TNRC6A: variants seen among roughly 807,000 people sequenced by gnomAD.
TNRC6A encodes trinucleotide repeat-containing gene 6A protein.
In TNRC6A, 44 loss-of-function variants were observed where a neutral mutation model predicts 221.2. That is an observed-to-expected ratio of 0.20 (90% confidence interval 0.16 to 0.26). The LOEUF is 0.26. TNRC6A is among the 10% of genes least tolerant of loss of function. TNRC6A has a pLI of 1.00. For missense variants in TNRC6A, 2,199 were observed against 2,404.4 expected (o/e 0.91, Z 1.79); for synonymous variants, 847 against 838.5 (o/e 1.01, Z -0.18).
chr16:24,724,412 T>A lies in TNRC6A; in HGVS notation n.403-26314T>A, dbSNP rs535396796. Among the ~76,000 whole-genome samples, 117 of 152,320 alleles carry A rather than the reference T, an allele frequency of 7.7e-4. No individual in the cohort carries two copies. In the Middle Eastern group the frequency reaches 0.014, roughly 18 times the overall value. On this transcript the variant is annotated intron_variant and non_coding_transcript_variant, in intron 2 of 2. Coordinates refer to the TNRC6A transcript ENST00000566108. ...TGAAGCACTTAGAACAGAGCCTGACTGGCACATATTAACTTTCAAATACAT... is the reference window on the plus strand; with the variant it reads ...TGAAGCACTTAGAACAGAGCCTGACAGGCACATATTAACTTTCAAATACAT...
intron 4 of TNRC6A, among the ~76,000 whole-genome samples, chr16:24,764,877 A>G (rs1283566226): frequency 1.3e-5 from 2 of 152,244 alleles, no homozygotes; most frequent in Non-Finnish European, 2.9e-5. Flanking sequence ...CATACCTATG[A>G]TAAAGTTCAA....
At chr16:24,657,669 A>C (rs1448037581) in intron 2 of TNRC6A, among the ~76,000 whole-genome samples, 3 of 150,618 alleles carry the variant, frequency 2.0e-5, no homozygotes, top group Non-Finnish European at 4.4e-5. Context: ...AGATCGTGCC[A>C]CTGCACTCCA....
At chr16:24,710,681 A>G (rs1449264129) in intron 2 of TNRC6A, among the ~76,000 whole-genome samples, 6 of 151,630 alleles carry the variant, frequency 4.0e-5, no homozygotes, top group Non-Finnish European at 8.8e-5. Flanking sequence ...ATTTTGTTGG[A>G]GGTGTTTTGC....
intron 2 of TNRC6A, among the ~76,000 whole-genome samples, chr16:24,645,164 T>C (rs1461826359): frequency 1.3e-5 from 2 of 152,242 alleles, no homozygotes; most frequent in Non-Finnish European, 2.9e-5. Context: ...TTCATCTTTA[T>C]TGGAATAGTG....
chr16:24,796,047 G>A, intron 9 of TNRC6A, 108 bp downstream of exon 9: 1 of 1,249,024 alleles, frequency 8.0e-7, no homozygotes, highest in East Asian at 2.4e-5. Flanking sequence ...ACTGTGCTTG[G>A]TGCTGGGGAT....
In TNRC6A at chr16:24,790,229, C is replaced by T. The variant is rs1293916344; in HGVS notation, c.1587C>T (p.Tyr529=). The T allele has an allele frequency of 3.7e-6, 6 of 1,614,208 alleles. No individual in the cohort carries two copies. Among genetic ancestry groups the T allele is most frequent in the South Asian group, 3.3e-5 (3 of 91,088 alleles). The change falls in exon 6 of 25, where the codon TAC becomes TAT. Residue 529 remains tyrosine (Y), a synonymous_variant. Coordinates refer to ENST00000395799, the MANE Select transcript of TNRC6A (RefSeq NM_014494.4). The part of the protein sequence containing the change: ...GTTWGAYGSN[Y]SGDKCSGPNG... ...CATGGGGTGCCTATGGTTCTAATTA[C>T]TCTGGAGACAAATGTTCAGGCCCTA...
At position 24,790,006 on chromosome 16, in the gene TNRC6A, A is replaced by T; in HGVS notation, c.1364A>T (p.Asn455Ile). ...NITTEMTGPN[N>I]TTNFMTSSLP... ...ACCACTGAAATGACTGGACCAAATAACACTACTAACTTTATGACCTCTAGT... is the reference window on the plus strand; with the variant it reads ...ACCACTGAAATGACTGGACCAAATATCACTACTAACTTTATGACCTCTAGT... The change falls in exon 6 of 25, where the codon AAC (asparagine) becomes ATC (isoleucine). Residue 455 changes from asparagine to isoleucine, a missense_variant. Asn to Ile is a moderately radical substitution (Grantham distance 149). This residue lies in a region of TNRC6A where 1,405 missense variants were observed against 1,400.2 expected (regional missense o/e 1.00). Coordinates refer to ENST00000395799, the MANE Select transcript of TNRC6A (RefSeq NM_014494.4). 6.2e-7 allele frequency: 1 copy of T among 1,614,208 alleles called. No individual in the cohort carries two copies. Among genetic ancestry groups the T allele is most frequent in the South Asian group, 1.1e-5 (1 of 91,082 alleles).
At chr16:24,628,462 C>T (rs545398347) in intron 1 of TNRC6A, among the ~76,000 whole-genome samples, 117 of 152,088 alleles carry the variant, frequency 7.7e-4, no homozygotes, top group African/African-American at 2.8e-3. Flanking sequence ...CCAAGTGTGC[C>T]TGCCTCTTCT....
chr16:24,701,529 G>A (rs183912575), intron 2 of TNRC6A, among the ~76,000 whole-genome samples: 3 of 151,784 alleles, frequency 2.0e-5, no homozygotes, highest in African/African-American at 7.3e-5. Context: ...ACCATGCCTG[G>A]CTAATTTTTG....
rs547118235 is a variant in TNRC6A, at chr16:24,716,835, T to TACTC, written n.403-33891_403-33890insACTC. On this transcript the variant is annotated intron_variant and non_coding_transcript_variant, in intron 2 of 2. Transcript: ENST00000566108. ...TTAACTGGGCATGGTGGTGCACACC[T>TACTC]GTAGTCCAGCTACTCGGGAGGCTGA... Among the ~76,000 whole-genome samples, 197 of 151,602 alleles carry TACTC rather than the reference T, an allele frequency of 1.3e-3. 2 individuals are homozygous for TACTC. The highest frequency in any genetic ancestry group is 2.1e-3 in the Non-Finnish European group (142 of 67,904).
chr16:24,640,141 T>TA (rs1472767346), intron 1 of TNRC6A, among the ~76,000 whole-genome samples: 1 of 152,204 alleles, frequency 6.6e-6, no homozygotes, highest in Non-Finnish European at 1.5e-5. Flanking sequence ...GGCTCACGCC[T>TA]ATAATCCCAG....
At chr16:24,630,583 G>A (rs1465109813) in intron 1 of TNRC6A, among the ~76,000 whole-genome samples, 1 of 152,058 alleles carries the variant, frequency 6.6e-6, no homozygotes, top group Non-Finnish European at 1.5e-5. Context: ...CTCTTTATAG[G>A]AAAAATATTT....
chr16:24,731,196 CTTTTTTTCT>C (rs951949843), intron 2 of TNRC6A, among the ~76,000 whole-genome samples: 22 of 151,946 alleles, frequency 1.4e-4, no homozygotes, highest in African/African-American at 5.3e-4. Flanking sequence ...GAATAGCTTT[CTTTTTTTCT>C]TTTTTTTCAC....
At position 24,690,877 on chromosome 16, in the gene TNRC6A, A is replaced by G. The variant is rs188229533; in HGVS notation, n.402+49868A>G. Among the ~76,000 whole-genome samples the G allele has an allele frequency of 8.6e-3, 1,279 of 148,886 alleles. 11 individuals carry two copies. Among genetic ancestry groups the G allele is most frequent in the Non-Finnish European group, 0.014 (955 of 67,588 alleles). On this transcript the variant is annotated intron_variant and non_coding_transcript_variant, in intron 2 of 2. Coordinates refer to the TNRC6A transcript ENST00000566108. ...GGCTGGAGTGTAGTGGCGAGATCTC[A>G]GCTCACTGCAAGCTCCGCCTCCTGG... is the stretch of plus-strand genomic sequence containing the variant.
At chr16:24,792,158 A>G (rs552332515) in intron 6 of TNRC6A, among the ~76,000 whole-genome samples, 1 of 152,336 alleles carries the variant, frequency 6.6e-6, no homozygotes, top group South Asian at 2.1e-4. Flanking sequence ...CAGAAATAAA[A>G]CAAGTATCTC....
At chr16:24,813,984 A>G (rs552749058) in intron 18 of TNRC6A, among the ~76,000 whole-genome samples, 1 of 152,272 alleles carries the variant, frequency 6.6e-6, no homozygotes, top group East Asian at 1.9e-4. Flanking sequence ...TTTATGTCCC[A>G]TTTCACTCCC....
At chr16:24,803,737 C>G (rs149926045) in intron 11 of TNRC6A, 1,824 of 156,106 alleles carry the variant, frequency 0.012, 13 homozygotes, top group Non-Finnish European at 0.019. Context: ...TACATCTCTA[C>G]TAATAATACA....
rs551859229 is a variant in TNRC6A, at chr16:24,797,234, C to T, written c.3562-256C>T. On this transcript the variant is annotated intron_variant, in intron 9 of 24. Transcript: ENST00000395799. ...GTGGGTCATCGAGGCCTTTTGCTTC[C>T]GTCTTTTCCTTCTGACTGCTTGCCT... Among the ~76,000 whole-genome samples the T allele has an allele frequency of 1.4e-4, 22 of 152,210 alleles. No individual in the cohort carries two copies. The South Asian group carries it at 4.4e-3, about 30-fold the overall frequency.
At chr16:24,729,871 C>T (rs1283398176) in intron 1 of TNRC6A, 25 bp downstream of exon 1, 2 of 1,270,858 alleles carry the variant, frequency 1.6e-6, no homozygotes, top group East Asian at 3.3e-5. Context: ...GGCCTCCCTC[C>T]GGGCGGGAGG....
Sources: gnomAD v4.1 joint callset for allele counts (sites outside exome capture counted in the v4.1 genomes callset) on GRCh38, gnomAD v4.1.1 for gene constraint, gnomAD v4.1.1 regional missense constraint, MANE v1.5 for transcripts, NCBI Gene and HGNC (gene_info 2026-07-23, HGNC 2026-07-21) for gene names.